The following CDCA2 variants were observed in gnomAD, a reference collection of about 807,000 sequenced individuals.
CDCA2 encodes the protein cell division cycle-associated protein 2.
Under a neutral mutation model 67.0 loss-of-function variants are expected in CDCA2, and 44 were observed. That is an observed-to-expected ratio of 0.66 (90% confidence interval 0.52 to 0.84). The LOEUF (loss-of-function observed/expected upper bound fraction) is 0.84. Among genes scored for constraint, CDCA2 ranks in the 40% least tolerant of loss-of-function variants. CDCA2 has a pLI of 0.00. For missense variants in CDCA2, 1,253 were observed against 1,203.2 expected (o/e 1.04, Z -0.61); for synonymous variants, 447 against 418.7 (o/e 1.07, Z -0.82).
chr8:25,506,427 G>T, intron 14 of CDCA2, 83 bp from the exon 15 acceptor site: 1 of 1,282,472 alleles, frequency 7.8e-7, no homozygotes, highest in Non-Finnish European at 1.0e-6. Flanking sequence ...AAACAAAACA[G>T]GTCACCTGAT....
At chr8:25,495,041 T>A (rs543375553) in intron 13 of CDCA2, among the ~76,000 whole-genome samples, 1 of 152,324 alleles carries the variant, frequency 6.6e-6, no homozygotes, top group South Asian at 2.1e-4. Context: ...CTACCTAGTT[T>A]GTGACATTTT....
chr8:25,477,766 A>G (rs1278554824), intron 7 of CDCA2, among the ~76,000 whole-genome samples: 1 of 152,066 alleles, frequency 6.6e-6, no homozygotes, highest in Non-Finnish European at 1.5e-5. Flanking sequence ...TTGAATGCCT[A>G]ATAAACATCT....
chr8:25,475,435 C>T (rs1803311104), intron 7 of CDCA2, among the ~76,000 whole-genome samples: 1 of 152,164 alleles, frequency 6.6e-6, no homozygotes, highest in Admixed American at 6.5e-5. Flanking sequence ...AGGAGAATTG[C>T]TTGAACCCAG....
At position 25,463,592 on chromosome 8, in the gene CDCA2, CCTT is replaced by C. The variant is rs148732357; in HGVS notation, c.387+1387_387+1389del. Among the ~76,000 whole-genome samples the C allele has an allele frequency of 5.3e-5, 8 of 152,080 alleles. No individual in the cohort carries two copies. The East Asian group carries it at 9.7e-4, about 18-fold the overall frequency. ...TTGTATCATGAATTTAAAGTGTACTCCTTCTACTGATTAAAAAAAAAAAGGACC... is the reference window on the plus strand; with the variant it reads ...TTGTATCATGAATTTAAAGTGTACTCCTACTGATTAAAAAAAAAAAGGACC... On this transcript the variant is annotated intron_variant, in intron 4 of 14. Transcript: ENST00000330560.
intron 13 of CDCA2, among the ~76,000 whole-genome samples, chr8:25,492,003 A>C (rs545696333): frequency 6.8e-6 from 1 of 146,452 alleles, no homozygotes; most frequent in Non-Finnish European, 1.5e-5. Context: ...TCACTATGTT[A>C]GCCAGGCTGG....
At chr8:25,466,041 C>A in intron 4 of CDCA2, 134 bp from the exon 5 acceptor site, 1 of 681,506 alleles carries the variant, frequency 1.5e-6, no homozygotes, top group Non-Finnish European at 2.3e-6. Flanking sequence ...AGCTCTGCCA[C>A]ACTAACTCCT....
intron 13 of CDCA2, among the ~76,000 whole-genome samples, chr8:25,502,062 T>A (rs746867671): frequency 7.2e-4 from 110 of 152,142 alleles, no homozygotes; most frequent in Non-Finnish European, 9.7e-4. Flanking sequence ...CACGCCCAGT[T>A]AATTTTTGTA....
intron 5 of CDCA2, among the ~76,000 whole-genome samples, chr8:25,467,223 G>C (rs367865557): frequency 2.0e-5 from 3 of 150,932 alleles, no homozygotes; most frequent in Non-Finnish European, 4.4e-5. Flanking sequence ...TGGTCTTACT[G>C]TAATCATTAT....
chr8:25,470,497 T>A (rs778549826), intron 7 of CDCA2, among the ~76,000 whole-genome samples: 23 of 152,224 alleles, frequency 1.5e-4, no homozygotes, highest in Non-Finnish European at 2.2e-4. Context: ...CCTATTAACT[T>A]TTTAGGTAAT....
intron 8 of CDCA2, among the ~76,000 whole-genome samples, chr8:25,482,062 T>G (rs115004234): frequency 1.2e-3 from 184 of 152,272 alleles, no homozygotes; most frequent in African/African-American, 4.3e-3. Context: ...AGAGGGAACT[T>G]TGATCCAGTC....
chr8:25,497,967 T>C (rs1804301646), intron 13 of CDCA2, among the ~76,000 whole-genome samples: 1 of 152,192 alleles, frequency 6.6e-6, no homozygotes, highest in South Asian at 2.1e-4. Flanking sequence ...TGGCTAATTC[T>C]ATAGGAAAAA....
intron 13 of CDCA2, among the ~76,000 whole-genome samples, chr8:25,490,323 C>T (rs1803952428): frequency 6.6e-6 from 1 of 151,830 alleles, no homozygotes; most frequent in Non-Finnish European, 1.5e-5. Flanking sequence ...CTCCCAGGAC[C>T]TTGCTGAATT....
intron 14 of CDCA2, among the ~76,000 whole-genome samples, chr8:25,503,809 A>T (rs1341527166): frequency 6.6e-6 from 1 of 152,210 alleles, no homozygotes; most frequent in Non-Finnish European, 1.5e-5. Flanking sequence ...TGCATATAAT[A>T]TCAGTAATAA....
intron 13 of CDCA2, among the ~76,000 whole-genome samples, chr8:25,494,508 G>T (rs531189193): frequency 6.6e-6 from 1 of 152,236 alleles, no homozygotes; most frequent in South Asian, 2.1e-4. Context: ...TATGCTCTAT[G>T]CAAATACTGT....
At chr8:25,501,691 A>G (rs7826948) in intron 13 of CDCA2, among the ~76,000 whole-genome samples, 146,223 of 152,240 alleles carry the variant, frequency 0.96, 70,471 homozygotes, top group East Asian at 1. Context: ...AACACCTCCT[A>G]CAGGCCAGGT....
chr8:25,465,612 C>A (rs1802867560), intron 4 of CDCA2, among the ~76,000 whole-genome samples: 1 of 148,784 alleles, frequency 6.7e-6, no homozygotes. Context: ...GCTTTCAACC[C>A]TAAGAAGGAA....
At chr8:25,464,098 G>A (rs1404745504) in intron 4 of CDCA2, among the ~76,000 whole-genome samples, 3 of 152,120 alleles carry the variant, frequency 2.0e-5, no homozygotes, top group African/African-American at 7.2e-5. Flanking sequence ...ACGTTTATAT[G>A]TTTTCAGAAT....
chr8:25,492,507 A>G (rs559435419), intron 13 of CDCA2, among the ~76,000 whole-genome samples: 4 of 152,342 alleles, frequency 2.6e-5, no homozygotes, highest in Admixed American at 2.0e-4. Context: ...CATAAGAAAA[A>G]AACGGTAATT....
chr8:25,469,609 C>T (rs1254655562), intron 6 of CDCA2, among the ~76,000 whole-genome samples: 5 of 152,030 alleles, frequency 3.3e-5, no homozygotes, highest in Middle Eastern at 3.2e-3. Flanking sequence ...AAAAATATAT[C>T]CTTTAAACTT....
Sources: allele counts gnomAD v4.1 joint callset (sites outside exome capture counted in the v4.1 genomes callset), GRCh38; gene constraint gnomAD v4.1.1; transcripts MANE v1.5; gene names NCBI Gene and HGNC (gene_info 2026-07-23, HGNC 2026-07-21).